GTF2E2: variants seen among roughly 807,000 people sequenced by gnomAD.
GTF2E2 encodes the protein general transcription factor IIE subunit 2.
Under a neutral mutation model 40.5 loss-of-function variants are expected in GTF2E2, and 21 were observed. The ratio of observed to expected loss-of-function variants is 0.52; its 90% CI spans 0.37 to 0.75. The LOEUF is 0.75. Among genes scored for constraint, GTF2E2 ranks in the 30% least tolerant of loss-of-function variants. The pLI is 0.00. For missense variants in GTF2E2, 298 were observed against 338.4 expected, an observed-to-expected ratio of 0.88 and a Z score of 0.94; for synonymous variants, 117 against 121.6, an observed-to-expected ratio of 0.96 and a Z score of 0.25.
At position 30,596,605 on chromosome 8, in the gene GTF2E2, T is replaced by C. The variant is rs528534898; in HGVS notation, c.643+10452A>G. 2.6e-5 allele frequency among the ~76,000 whole-genome samples: 4 copies of C among 152,348 alleles called. No homozygotes were observed. The East Asian group carries it at 7.7e-4, about 29-fold the overall frequency. The stretch of plus-strand genomic sequence containing the variant: ...TGGTCTTAAAAATGTCCTGTCTCAA[T>C]TCCATGTCTCGTAGTTCCAAAGAAT... On this transcript the variant is annotated intron_variant, in intron 6 of 7. Coordinates refer to ENST00000355904, the MANE Select transcript of GTF2E2 (RefSeq NM_002095.6).
intron 6 of GTF2E2, among the ~76,000 whole-genome samples, chr8:30,590,010 C>A (rs1050038398): frequency 3.3e-5 from 5 of 152,052 alleles, no homozygotes; most frequent in African/African-American, 1.2e-4. Context: ...TGTACAATTC[C>A]TGAAGTTTTG....
intron 2 of GTF2E2, among the ~76,000 whole-genome samples, chr8:30,650,646 T>C (rs1026963681): frequency 1.3e-5 from 2 of 151,682 alleles, no homozygotes; most frequent in African/African-American, 2.4e-5. Flanking sequence ...CAGTGAGCCA[T>C]GATCACGCCA....
At chr8:30,618,225 A>C (rs10955030) in intron 3 of GTF2E2, among the ~76,000 whole-genome samples, 5,072 of 126,224 alleles carry the variant, frequency 0.04, 295 homozygotes, top group African/African-American at 0.14. Context: ...TCAACTGAGG[A>C]GGCAGAGGTT....
intron 2 of GTF2E2, chr8:30,646,147 A>G (rs1452836449): frequency 6.6e-6 from 1 of 152,254 alleles, no homozygotes; most frequent in East Asian, 1.9e-4. Context: ...AAAATAATCA[A>G]AAATGCCACA....
Position 30,614,685 on chromosome 8 carries a change from G to C in GTF2E2, c.289C>G (p.Leu97Val). 1 of 1,608,794 alleles carries C rather than the reference G, an allele frequency of 6.2e-7. No individual in the cohort carries two copies. Among genetic ancestry groups the C allele is most frequent in the Non-Finnish European group, 8.5e-7 (1 of 1,175,740 alleles). Residue 97 changes from leucine (L) to valine (V), a missense_variant, in exon 4 of 8, where the codon CTA (leucine) becomes GTA (valine). Coordinates refer to ENST00000355904, the MANE Select transcript of GTF2E2 (RefSeq NM_002095.6). Reference sequence around the variant, plus strand: ...TCATCCAAAATTTCATCTAAGGTTAGAGGATGCGTATCTCCTCGCTGATGC... The same window carrying C: ...TCATCCAAAATTTCATCTAAGGTTACAGGATGCGTATCTCCTCGCTGATGC... ...TRHQRGDTHP[L>V]TLDEILDETQ...
chr8:30,610,464 G>C (rs1029792569), intron 5 of GTF2E2, among the ~76,000 whole-genome samples: 3 of 145,344 alleles, frequency 2.1e-5, no homozygotes, highest in South Asian at 2.2e-4. Flanking sequence ...AAAAAAAAAG[G>C]CTACATTAAT....
At chr8:30,636,196 A>G (rs986044602) in intron 2 of GTF2E2, among the ~76,000 whole-genome samples, 4 of 152,240 alleles carry the variant, frequency 2.6e-5, no homozygotes, top group African/African-American at 9.6e-5. Flanking sequence ...AACCAGGAAC[A>G]GTAAAAAATC....
intron 5 of GTF2E2, among the ~76,000 whole-genome samples, chr8:30,609,820 T>C (rs1261146240): frequency 6.6e-6 from 1 of 152,178 alleles, no homozygotes; most frequent in Non-Finnish European, 1.5e-5. Flanking sequence ...TGAGTTCTCA[T>C]GAGATCTGGT....
chr8:30,637,018 C>T (rs549809670), intron 2 of GTF2E2: 99 of 411,712 alleles, frequency 2.4e-4, no homozygotes, highest in African/African-American at 1.5e-3. Context: ...AATATTCATA[C>T]GTAATCCCTC....
chr8:30,613,247 T>C (rs1363661036), intron 4 of GTF2E2, among the ~76,000 whole-genome samples: 1 of 152,218 alleles, frequency 6.6e-6, no homozygotes, highest in Non-Finnish European at 1.5e-5. Context: ...TCAATGGTCT[T>C]CCCCATCTGC....
In GTF2E2 at chr8:30,652,687, C is replaced by T. The variant is rs535630935; in HGVS notation, c.166+746G>A. 4.6e-5 allele frequency among the ~76,000 whole-genome samples: 7 copies of T among 152,178 alleles called. No homozygotes were observed. In the South Asian group the frequency reaches 1.5e-3, roughly 32 times the overall value. ...AGTTAAATATAAATTTGACATATGA[C>T]CCAGAAATCTACTTCTAGGTCTCTA... On this transcript the variant is annotated intron_variant, in intron 2 of 7. Transcript: ENST00000355904.
chr8:30,650,527 CAAAAAA>C (rs34700093), intron 2 of GTF2E2, among the ~76,000 whole-genome samples: 1 of 129,486 alleles, frequency 7.7e-6, no homozygotes, highest in East Asian at 2.2e-4. Context: ...CCATCTCTAC[CAAAAAA>C]AAAAAAAAAA....
chr8:30,639,930 C>T (rs1039074610), intron 2 of GTF2E2, among the ~76,000 whole-genome samples: 2 of 151,764 alleles, frequency 1.3e-5, no homozygotes, highest in African/African-American at 2.4e-5. Context: ...GTGCTTGCTA[C>T]AGAAAGTACA....
intron 1 of GTF2E2, among the ~76,000 whole-genome samples, chr8:30,656,104 G>A (rs1695260021): frequency 1.3e-5 from 2 of 152,056 alleles, no homozygotes; most frequent in Admixed American, 1.3e-4. Context: ...GTGAGTCACC[G>A]CACCCGGCCT....
intron 3 of GTF2E2, among the ~76,000 whole-genome samples, chr8:30,623,723 T>C (rs569555698): frequency 2.6e-5 from 4 of 152,194 alleles, no homozygotes; most frequent in Non-Finnish European, 4.4e-5. Flanking sequence ...TGGTGTGAGA[T>C]GGTATCTCAT....
chr8:30,650,306 T>C (rs1395243379), intron 2 of GTF2E2, among the ~76,000 whole-genome samples: 2 of 152,190 alleles, frequency 1.3e-5, no homozygotes, highest in African/African-American at 2.4e-5. Context: ...TTAATGTTAA[T>C]ATATCATATT....
At chr8:30,642,954 ATC>A (rs1262942681) in intron 2 of GTF2E2, among the ~76,000 whole-genome samples, 2 of 152,318 alleles carry the variant, frequency 1.3e-5, no homozygotes, top group East Asian at 1.9e-4. Context: ...TAGATGAGAT[ATC>A]TCTTTTTTGG....
rs890559344 is a variant in GTF2E2 at position 30,606,312 on chromosome 8, A to G, written c.643+745T>C. Among the ~76,000 whole-genome samples the G allele has an allele frequency of 4.6e-5, 7 of 152,332 alleles. No homozygotes were observed. The East Asian group carries it at 9.6e-4, about 21-fold the overall frequency. ...CTATCTACCAGAACCACAAGCCTGGATATCTATAGACAGATAACAAAAGGA... is the reference window on the plus strand; with the variant it reads ...CTATCTACCAGAACCACAAGCCTGGGTATCTATAGACAGATAACAAAAGGA... On this transcript the variant is annotated intron_variant, in intron 6 of 7. Coordinates refer to ENST00000355904, the MANE Select transcript of GTF2E2 (RefSeq NM_002095.6).
intron 3 of GTF2E2, among the ~76,000 whole-genome samples, chr8:30,620,993 A>G (rs1198980040): frequency 6.6e-6 from 1 of 151,922 alleles, no homozygotes; most frequent in Non-Finnish European, 1.5e-5. Flanking sequence ...AGACTTTTGG[A>G]TATATGGATC....
Sources: allele counts gnomAD v4.1 joint callset (sites outside exome capture counted in the v4.1 genomes callset), GRCh38; gene constraint gnomAD v4.1.1; transcripts MANE v1.5; gene names NCBI Gene and HGNC (gene_info 2026-07-23, HGNC 2026-07-21).